The following CNTRL variants were observed in gnomAD, a reference collection of about 807,000 sequenced individuals.
The protein encoded by CNTRL is centriolin.
A neutral mutation model predicts 303.7 loss-of-function variants in CNTRL; 233 were observed. That is an observed-to-expected ratio of 0.77 (90% CI 0.69 to 0.86). The LOEUF is 0.86. CNTRL is among the 40% of genes least tolerant of loss of function. CNTRL has a pLI of 0.00. For missense variants in CNTRL, 2,524 were observed against 2,650.6 expected (o/e 0.95, Z 1.05); for synonymous variants, 900 against 922.2 (o/e 0.98, Z 0.44).
intron 14 of CNTRL, among the ~76,000 whole-genome samples, chr9:121,126,459 T>A (rs916364745): frequency 1.3e-5 from 2 of 152,210 alleles, no homozygotes; most frequent in Non-Finnish European, 2.9e-5. Context: ...GAACTAGAGA[T>A]TTCCAAACTT....
At chr9:121,165,512 C>T (rs2053052962) in intron 35 of CNTRL, among the ~76,000 whole-genome samples, 1 of 152,064 alleles carries the variant, frequency 6.6e-6, no homozygotes, top group Non-Finnish European at 1.5e-5. Flanking sequence ...TTTAAAATTA[C>T]CAAATGTTTA....
At chr9:121,145,973 C>T in intron 22 of CNTRL, 135 bp from the exon 23 acceptor site, 1 of 702,370 alleles carries the variant, frequency 1.4e-6, no homozygotes, top group East Asian at 2.9e-5. Context: ...CTTTTTTTGA[C>T]TTACCAAAGG....
chr9:121,114,680 T>C lies in CNTRL; in HGVS notation c.1346-411T>C, dbSNP rs62578444. Among the ~76,000 whole-genome samples, 102 of 152,330 alleles carry C rather than the reference T, an allele frequency of 6.7e-4. 1 individual carries two copies. The Middle Eastern group carries it at 0.014, about 20-fold the overall frequency. Reference sequence around the variant, plus strand: ...GAGCTCAGTAGTGAATTTCTTGATATTGAATTCCATCATAAAGCATTTGCC... The same window carrying C: ...GAGCTCAGTAGTGAATTTCTTGATACTGAATTCCATCATAAAGCATTTGCC... On this transcript the variant is annotated intron_variant, in intron 10 of 43. Transcript: ENST00000373855.
chr9:121,148,987 G>A (rs2134175801), intron 24 of CNTRL, 126 bp downstream of exon 24: 1 of 824,206 alleles, frequency 1.2e-6, no homozygotes, highest in African/African-American at 1.7e-5. Context: ...TCTGTGATCT[G>A]GTCTTGGCCA....
intron 25 of CNTRL, among the ~76,000 whole-genome samples, chr9:121,151,390 T>C (rs977355648): frequency 7.3e-4 from 98 of 134,030 alleles, no homozygotes; most frequent in Middle Eastern, 3.8e-3. Flanking sequence ...TCTTCTTCTT[T>C]TTTTTTTTTT....
In CNTRL at chr9:121,150,170, A is replaced by T. The variant is rs766624853; in HGVS notation, c.3650A>T (p.Asp1217Val). ...SGLHKLFPSR[D>V]ADSGGDSQEE... ...AACTCTTCTGTTTATTTCTTTGAAG[A>T]TGCAGACAGTGGAGGAGATAGTCAG... Residue 1217 changes from aspartate to valine, a missense_variant and splice_region_variant, in exon 25 of 44, where the codon GAT becomes GTT. Coordinates refer to ENST00000373855, the MANE Select transcript of CNTRL (RefSeq NM_007018.6). 6.3e-7 allele frequency: 1 copy of T among 1,599,802 alleles called. No individual in the cohort carries two copies. The highest frequency in any genetic ancestry group is 1.3e-5 in the African/African-American group (1 of 74,336).
chr9:121,162,404 C>A, intron 34 of CNTRL, 133 bp downstream of exon 34: 2 of 735,398 alleles, frequency 2.7e-6, no homozygotes, highest in Admixed American at 2.8e-5. Flanking sequence ...TACATTTTGC[C>A]AGTTGCATTT....
At chr9:121,136,015 AG>A (rs753346868) in intron 15 of CNTRL, 33 bp downstream of exon 15, 3 of 1,538,980 alleles carry the variant, frequency 1.9e-6, no homozygotes, top group Non-Finnish European at 2.7e-6. Flanking sequence ...CTGCAAACTA[AG>A]GACCCTGTGC....
At chr9:121,150,555 G>A (rs1195508108) in intron 25 of CNTRL, 72 bp downstream of exon 25, 1 of 1,401,626 alleles carries the variant, frequency 7.1e-7, no homozygotes, top group African/African-American at 1.4e-5. Flanking sequence ...TATACTTAAT[G>A]AGTTGACCTA....
chr9:121,118,018 A>G (rs2050060834), intron 11 of CNTRL, among the ~76,000 whole-genome samples: 1 of 151,892 alleles, frequency 6.6e-6, no homozygotes, highest in Non-Finnish European at 1.5e-5. Context: ...AGAACAGTGC[A>G]TGGCCCATAG....
chr9:121,167,855 A>G, intron 37 of CNTRL, among the ~76,000 whole-genome samples, 178 bp downstream of exon 37: 1 of 152,216 alleles, frequency 6.6e-6, no homozygotes, highest in South Asian at 2.1e-4. Flanking sequence ...CAGACCTTTA[A>G]CGATCATAGA....
intron 4 of CNTRL, among the ~76,000 whole-genome samples, chr9:121,092,373 A>G (rs2048616093): frequency 7.1e-6 from 1 of 140,334 alleles, no homozygotes; most frequent in Admixed American, 7.8e-5. Flanking sequence ...GGAGAGGGTG[A>G]CTAATTGTGA....
chr9:121,143,642 G>A (rs550588514), intron 19 of CNTRL, among the ~76,000 whole-genome samples: 5 of 152,320 alleles, frequency 3.3e-5, no homozygotes, highest in East Asian at 1.9e-4. Context: ...CATCCATGCC[G>A]TGGTGGTAGT....
intron 15 of CNTRL, among the ~76,000 whole-genome samples, chr9:121,137,490 T>G (rs2051262250): frequency 6.6e-6 from 1 of 152,244 alleles, no homozygotes; most frequent in Non-Finnish European, 1.5e-5. Context: ...TAAGATATTT[T>G]GAATCTCAGG....
chr9:121,084,702 G>C (rs1204018654), intron 2 of CNTRL, among the ~76,000 whole-genome samples: 1 of 152,048 alleles, frequency 6.6e-6, no homozygotes, highest in Admixed American at 6.6e-5. Flanking sequence ...TTGCCACCAC[G>C]CCTGGCTAAT....
intron 12 of CNTRL, chr9:121,121,778 C>G: frequency 1.0e-6 from 1 of 985,338 alleles, no homozygotes; most frequent in Non-Finnish European, 1.2e-6. Flanking sequence ...TCACTCTTGG[C>G]CAAGAATGTG....
In CNTRL at chr9:121,121,845, CAGAG is replaced by C. The variant is rs1271399232; in HGVS notation, c.1651-2083_1651-2080del. 3 of 985,258 alleles carry C rather than the reference CAGAG, an allele frequency of 3.0e-6. No homozygotes were observed. The African/African-American group carries it at 5.2e-5, about 17-fold the overall frequency. The allele number at this position is 985,258 out of a possible 1,614,324, so 61.0% of individuals were successfully genotyped here. Reference sequence around the variant, plus strand: ...GAGGCGCTTGCAAAAATGTGGCTGTCAGAGAGGGAAGTGCACATGAATTTGAAGA... The same window carrying C: ...GAGGCGCTTGCAAAAATGTGGCTGTCAGGGAAGTGCACATGAATTTGAAGA... On this transcript the variant is annotated intron_variant, in intron 12 of 43. Coordinates refer to ENST00000373855, the MANE Select transcript of CNTRL (RefSeq NM_007018.6).
chr9:121,080,859 T>C (rs550111331), intron 2 of CNTRL, among the ~76,000 whole-genome samples: 56 of 152,308 alleles, frequency 3.7e-4, no homozygotes, highest in African/African-American at 1.1e-3. Context: ...CAAAGACAGG[T>C]TGACTAGAGA....
At chr9:121,158,780 C>A in intron 30 of CNTRL, 75 bp from the exon 31 acceptor site, 1 of 1,388,208 alleles carries the variant, frequency 7.2e-7, no homozygotes, top group Non-Finnish European at 9.9e-7. Context: ...TACCTCACAA[C>A]TAAATTATCT....
Sources: gnomAD v4.1 joint callset for allele counts (sites outside exome capture counted in the v4.1 genomes callset) on GRCh38, gnomAD v4.1.1 for gene constraint, MANE v1.5 for transcripts, NCBI Gene and HGNC (gene_info 2026-07-23, HGNC 2026-07-21) for gene names.